Variants in CCDC102B observed in about 807,000 individuals in gnomAD.
CCDC102B encodes the protein coiled-coil domain containing 102B, also known as coiled-coil domain-containing protein 102B.
In CCDC102B, 75 loss-of-function variants were observed where a neutral mutation model predicts 57.4. The ratio of observed to expected loss-of-function variants is 1.31; its 90% CI spans 1.08 to 1.58. The LOEUF (loss-of-function observed/expected upper bound fraction) is 1.58, where lower values mean the gene tolerates loss of function less well. CCDC102B is among the 40% of genes most tolerant of loss of function. The pLI, the probability that CCDC102B is intolerant of heterozygous loss-of-function variation, is 0.00. For synonymous variants in CCDC102B, 206 were observed against 201.9 expected (o/e 1.02, Z -0.17); for missense variants, 636 against 582.6 (o/e 1.09, Z -0.94).
intron 7 of CCDC102B, among the ~76,000 whole-genome samples, chr18:69,031,970 T>C (rs1050314296): frequency 1.3e-5 from 2 of 151,240 alleles, no homozygotes; most frequent in African/African-American, 2.5e-5. Flanking sequence ...CTGATTTTTT[T>C]TTTACATTTT....
At chr18:68,845,694 G>A (rs1318003769) in intron 3 of CCDC102B, among the ~76,000 whole-genome samples, 1 of 151,768 alleles carries the variant, frequency 6.6e-6, no homozygotes, top group Non-Finnish European at 1.5e-5. Context: ...AAATCCAGTG[G>A]TTGGTGTATT....
At chr18:68,762,841 C>T (rs976767266) in intron 2 of CCDC102B, among the ~76,000 whole-genome samples, 1 of 152,046 alleles carries the variant, frequency 6.6e-6, no homozygotes, top group African/African-American at 2.4e-5. Flanking sequence ...AAAACATGAA[C>T]AGAAACGTAT....
At chr18:68,818,153 G>A (rs1247904799) in intron 1 of CCDC102B, among the ~76,000 whole-genome samples, 1 of 123,928 alleles carries the variant, frequency 8.1e-6, no homozygotes, top group African/African-American at 3.3e-5. Context: ...CTCCTTTCCA[G>A]TGTAGCTAGC....
chr18:68,928,439 A>G (rs1417616278), intron 6 of CCDC102B, among the ~76,000 whole-genome samples: 7 of 152,042 alleles, frequency 4.6e-5, no homozygotes, highest in Middle Eastern at 3.4e-3. Flanking sequence ...CAAAAGGAAA[A>G]GGAGAAAAGC....
rs1361616086 is a variant in CCDC102B, at chr18:68,719,655, A to G, written c.-67+3061A>G. Among the ~76,000 whole-genome samples the G allele has an allele frequency of 2.6e-5, 4 of 152,186 alleles. No homozygotes were observed. In the East Asian group the frequency reaches 7.7e-4, roughly 29 times the overall value. On this transcript the variant is annotated intron_variant, in intron 2 of 3. Transcript: ENST00000578970. ...ATCTACATTACTCAGATACTCATTC[A>G]AATGCTAACTTTTCCCAAAAACATC...
intron 6 of CCDC102B, among the ~76,000 whole-genome samples, chr18:68,926,676 G>C (rs2041485518): frequency 6.6e-6 from 1 of 151,806 alleles, no homozygotes; most frequent in Non-Finnish European, 1.5e-5. Context: ...ATCCACAAAT[G>C]ATTTTTATTA....
chr18:68,998,835 C>G (rs143795660), intron 6 of CCDC102B, among the ~76,000 whole-genome samples: 1 of 152,068 alleles, frequency 6.6e-6, no homozygotes, highest in African/African-American at 2.4e-5. Flanking sequence ...GAGGGTGGGT[C>G]TGCATCACCC....
At chr18:68,896,546 G>A (rs1360292519) in intron 5 of CCDC102B, among the ~76,000 whole-genome samples, 1 of 151,944 alleles carries the variant, frequency 6.6e-6, no homozygotes, top group East Asian at 1.9e-4. Context: ...TACCCATTGT[G>A]TGTGAAGGCA....
At chr18:68,812,689 T>A (rs755978366) in intron 1 of CCDC102B, among the ~76,000 whole-genome samples, 5 of 152,352 alleles carry the variant, frequency 3.3e-5, no homozygotes, top group Non-Finnish European at 5.9e-5. Flanking sequence ...CTAGTTAGTA[T>A]TAAGCATTTC....
intron 5 of CCDC102B, among the ~76,000 whole-genome samples, chr18:68,886,595 T>C (rs1028140470): frequency 2.0e-5 from 3 of 152,102 alleles, no homozygotes; most frequent in Non-Finnish European, 4.4e-5. Context: ...TCAATGTTTG[T>C]TTTTCAAATA....
intron 6 of CCDC102B, among the ~76,000 whole-genome samples, chr18:69,003,189 AAAT>A (rs1283275292): frequency 6.6e-6 from 1 of 152,228 alleles, no homozygotes; most frequent in African/African-American, 2.4e-5. Context: ...AACAAGAAAC[AAAT>A]AATATTATGG....
intron 7 of CCDC102B, among the ~76,000 whole-genome samples, chr18:69,049,202 C>G (rs1034896443): frequency 1.3e-5 from 2 of 151,876 alleles, no homozygotes; most frequent in African/African-American, 4.8e-5. Context: ...TCCCCTACCC[C>G]CTGACAGGCC....
chr18:68,756,374 G>T (rs1041019033), intron 2 of CCDC102B, among the ~76,000 whole-genome samples: 43 of 152,204 alleles, frequency 2.8e-4, no homozygotes, highest in African/African-American at 9.6e-4. Context: ...GCAAATTGAA[G>T]TAAGAAAGGC....
intron 2 of CCDC102B, among the ~76,000 whole-genome samples, chr18:68,763,419 A>C (rs1219439832): frequency 6.6e-6 from 1 of 152,152 alleles, no homozygotes; most frequent in East Asian, 1.9e-4. Flanking sequence ...AGAGGATAAA[A>C]GAGTCAAAGC....
At position 68,819,471 on chromosome 18, in the gene CCDC102B, A is replaced by C. The variant is rs548309292; in HGVS notation, c.-15-17278A>C. ...TTTGAGCTAATGAGTCATTGTCTTAATTACTGTAGCTTTATATCATATTCA... is the reference window on the plus strand; with the variant it reads ...TTTGAGCTAATGAGTCATTGTCTTACTTACTGTAGCTTTATATCATATTCA... On this transcript the variant is annotated intron_variant, in intron 1 of 7. Transcript: ENST00000360242. 7.2e-4 allele frequency among the ~76,000 whole-genome samples: 109 copies of C among 152,030 alleles called. 1 individual carries two copies. The highest frequency in any genetic ancestry group is 2.4e-4 in the Non-Finnish European group (16 of 67,934).
intron 6 of CCDC102B, among the ~76,000 whole-genome samples, chr18:68,994,575 T>A (rs1295402274): frequency 2.0e-5 from 3 of 147,762 alleles, no homozygotes; most frequent in Non-Finnish European, 4.5e-5. Flanking sequence ...ATCATGGGAG[T>A]GTTTTCGCCC....
At chr18:68,970,702 G>A (rs779033083) in intron 6 of CCDC102B, among the ~76,000 whole-genome samples, 16 of 151,994 alleles carry the variant, frequency 1.1e-4, no homozygotes, top group South Asian at 6.2e-4. Context: ...TAAATATACT[G>A]ACAGTGTTTT....
intron 7 of CCDC102B, among the ~76,000 whole-genome samples, chr18:69,050,590 T>A (rs1196039721): frequency 6.6e-6 from 1 of 152,188 alleles, no homozygotes; most frequent in Non-Finnish European, 1.5e-5. Context: ...TCATGTCCAG[T>A]ACCACATAAT....
At chr18:69,010,259 T>C (rs942021452) in intron 6 of CCDC102B, among the ~76,000 whole-genome samples, 6 of 151,892 alleles carry the variant, frequency 4.0e-5, no homozygotes, top group African/African-American at 1.4e-4. Flanking sequence ...AGACGTTTTC[T>C]ATAATGATAG....
Sources: allele counts gnomAD v4.1 joint callset (sites outside exome capture counted in the v4.1 genomes callset), GRCh38; gene constraint gnomAD v4.1.1; transcripts MANE v1.5; gene names NCBI Gene and HGNC (gene_info 2026-07-23, HGNC 2026-07-21).